The following AKR1C4 variants were observed in gnomAD, a reference collection of about 807,000 sequenced individuals.
The protein encoded by AKR1C4 is aldo-keto reductase family 1 member C4.
Under a neutral mutation model 41.0 loss-of-function variants are expected in AKR1C4, and 44 were observed. That is an observed-to-expected ratio of 1.07 (90% confidence interval 0.84 to 1.38). The LOEUF is 1.38. Among genes scored for constraint, AKR1C4 ranks in the 40% most tolerant of loss-of-function variants. The probability of loss-of-function intolerance (pLI) is 0.00; values close to 1 mark genes in which losing one functional copy is unlikely to be tolerated. For synonymous variants in AKR1C4, 165 were observed against 137.7 expected (o/e 1.20, Z -1.39); for missense variants, 438 against 387.9 (o/e 1.13, Z -1.09).
intron 1 of AKR1C4, among the ~76,000 whole-genome samples, chr10:5,199,612 G>A (rs1424863676): frequency 1.3e-5 from 2 of 152,122 alleles, no homozygotes; most frequent in Non-Finnish European, 2.9e-5. Context: ...GCACCAGTAC[G>A]CCAGCGGGCC....
chr10:5,204,514 ACTTCT>A (rs1832454261), intron 3 of AKR1C4, 21 bp downstream of exon 3: 1 of 1,516,188 alleles, frequency 6.6e-7, no homozygotes, highest in Non-Finnish European at 9.2e-7. Context: ...TGTGAGATCA[ACTTCT>A]CTTCTGTTCT....
rs781987913 is a variant in AKR1C4 at position 5,212,772 on chromosome 10, A to T, written c.680+47A>T. The T allele has an allele frequency of 5.3e-5, 84 of 1,583,390 alleles. 1 individual carries two copies. In the South Asian group the frequency reaches 8.0e-4, roughly 15 times the overall value. On this transcript the variant is annotated intron_variant, in intron 6 of 8. Transcript: ENST00000263126. ...TTACCTAAAATGCCATTTTGATGAA[A>T]AATTTTAGTTATAGCATACTCAGTC...
At chr10:5,197,406 AGTACTGCTGAG>A (rs1400059369) in intron 1 of AKR1C4, among the ~76,000 whole-genome samples, 1 of 152,206 alleles carries the variant, frequency 6.6e-6, no homozygotes, top group East Asian at 1.9e-4. Context: ...CTGTTGGGAG[AGTACTGCTGAG>A]CTGCCGCGTG....
intron 2 of AKR1C4, among the ~76,000 whole-genome samples, chr10:5,203,000 T>C (rs550758200): frequency 1.3e-5 from 2 of 150,836 alleles, no homozygotes; most frequent in East Asian, 2.0e-4. Context: ...TTTCCTGGTA[T>C]TGGTATTTGG....
At chr10:5,216,627 T>C in intron 7 of AKR1C4, 84 bp from the exon 8 acceptor site, 1 of 960,978 alleles carries the variant, frequency 1.0e-6, no homozygotes. Context: ...ATATTGCCTC[T>C]ACACCCTACT....
chr10:5,211,470 C>G (rs1832574632), intron 5 of AKR1C4, among the ~76,000 whole-genome samples: 1 of 149,130 alleles, frequency 6.7e-6, no homozygotes, highest in South Asian at 2.1e-4. Context: ...AGGGCAGGGA[C>G]AAAATGTCAA....
chr10:5,218,420 A>C (rs1832685395), intron 8 of AKR1C4, among the ~76,000 whole-genome samples: 1 of 152,206 alleles, frequency 6.6e-6, no homozygotes, highest in African/African-American at 2.4e-5. Flanking sequence ...GAAATAGAAA[A>C]TGTCAGAATA....
Position 5,205,796 on chromosome 10 carries a change from GT to G in AKR1C4, c.410del (p.Val137GlufsTer39). ...ACTACCAAAAGATGAAAATGGAAAAGTAATATTCGACACAGTGGATCTCTCT... is the reference window on the plus strand; with the variant it reads ...ACTACCAAAAGATGAAAATGGAAAAGAATATTCGACACAGTGGATCTCTCT... ...TPLPKDENGK[V>X]IFDTVDLSAT... On this transcript the variant is annotated frameshift_variant, in exon 4 of 9. Coordinates refer to ENST00000263126, the MANE Select transcript of AKR1C4 (RefSeq NM_001818.5). LOFTEE classifies it high-confidence loss of function. The G allele has an allele frequency of 1.2e-6, 2 of 1,613,606 alleles. No homozygotes were observed. The highest frequency in any genetic ancestry group is 1.7e-6 in the Non-Finnish European group (2 of 1,179,660).
chr10:5,204,661 A>G (rs782114308), intron 3 of AKR1C4, 168 bp downstream of exon 3: 4 of 757,994 alleles, frequency 5.3e-6, no homozygotes, highest in Non-Finnish European at 7.3e-6. Flanking sequence ...TCCTTCTGTA[A>G]CGTATGATGA....
intron 3 of AKR1C4, among the ~76,000 whole-genome samples, chr10:5,205,413 T>C (rs3750572): frequency 0.11 from 17,178 of 152,236 alleles, 1,187 homozygotes; most frequent in Admixed American, 0.17. Flanking sequence ...GGATCAAGAA[T>C]ACAATCCCTT....
chr10:5,215,043 AT>A (rs1564404952), intron 7 of AKR1C4, among the ~76,000 whole-genome samples: 1 of 152,180 alleles, frequency 6.6e-6, no homozygotes, highest in Non-Finnish European at 1.5e-5. Flanking sequence ...ATAAATTTGG[AT>A]TTCAGTATTT....
rs782304211 is a variant in AKR1C4, at chr10:5,205,850, A to G, written c.447+16A>G. On this transcript the variant is annotated intron_variant, in intron 4 of 8. Transcript: ENST00000263126. ...CACATGGGAGGTGAGTGCTTGGAGG[A>G]CAGAGTACAGAAAAGGAAGACAAGA... 6.2e-7 allele frequency: 1 copy of G among 1,607,238 alleles called. No individual in the cohort carries two copies. The highest frequency in any genetic ancestry group is 1.1e-5 in the South Asian group (1 of 90,416).
At chr10:5,207,668 G>A in intron 5 of AKR1C4, 1 of 987,298 alleles carries the variant, frequency 1.0e-6, no homozygotes, top group Non-Finnish European at 1.5e-6. Flanking sequence ...GCAATCATAG[G>A]ACATGAAATA....
chr10:5,202,881 A>AT (rs1398933429), intron 2 of AKR1C4, among the ~76,000 whole-genome samples: 1 of 146,180 alleles, frequency 6.8e-6, no homozygotes, highest in Non-Finnish European at 1.5e-5. Flanking sequence ...GTTAGCTAGT[A>AT]TTTTCTTGAG....
In AKR1C4 at chr10:5,199,671, A is replaced by C. The variant is rs79508402; in HGVS notation, c.85-510A>C. The stretch of plus-strand genomic sequence containing the variant: ...CGCTGAGTTTGGCTGGGGCAGTCAG[A>C]AGACAGTCCAGGCTGCTGAGCAGCC... On this transcript the variant is annotated intron_variant, in intron 1 of 8. Transcript: ENST00000263126. Among the ~76,000 whole-genome samples the C allele has an allele frequency of 1.7e-3, 260 of 152,206 alleles. 1 individual carries two copies. Among genetic ancestry groups the C allele is most frequent in the Non-Finnish European group, 3.1e-3 (208 of 67,984 alleles).
At chr10:5,208,314 A>G (rs182257185) in intron 5 of AKR1C4, among the ~76,000 whole-genome samples, 24 of 151,736 alleles carry the variant, frequency 1.6e-4, no homozygotes, top group African/African-American at 4.9e-4. Context: ...TGTATTTAAA[A>G]TTTATGTATT....
At position 5,200,315 on chromosome 10, in the gene AKR1C4, T is replaced by C. The variant is rs782697815; in HGVS notation, c.219T>C (p.Ser73=). ...TCCGAAGCAAGATTGCAGATGGCAG[T>C]GTGAAGAGAGAAGACATATTCTACA... The part of the protein sequence containing the change: ...LAIRSKIADG[S]VKREDIFYTS... Residue 73 remains serine (S), a synonymous_variant, in exon 2 of 9, where the codon AGT becomes AGC. Transcript: ENST00000263126. The C allele has an allele frequency of 5.6e-6, 9 of 1,614,024 alleles. No homozygotes were observed. The South Asian group carries it at 9.9e-5, about 18-fold the overall frequency.
chr10:5,213,832 C>CT (rs1288428264), intron 7 of AKR1C4, among the ~76,000 whole-genome samples: 1 of 152,096 alleles, frequency 6.6e-6, no homozygotes, highest in Non-Finnish European at 1.5e-5. Flanking sequence ...TCTGGATATT[C>CT]TTTAACAGCT....
In AKR1C4 at chr10:5,214,498, C is replaced by A. The variant is rs138116069; in HGVS notation, c.846+1339C>A. ...CTGAAATTGCTGTGAAACTGCAGAT[C>A]AATTTGGTGAGAACTGATTGAGACT... On this transcript the variant is annotated intron_variant, in intron 7 of 8. Coordinates refer to ENST00000263126, the MANE Select transcript of AKR1C4 (RefSeq NM_001818.5). 3.4e-4 allele frequency among the ~76,000 whole-genome samples: 52 copies of A among 152,230 alleles called. No homozygotes were observed. The East Asian group carries it at 0.01, about 29-fold the overall frequency.
Sources: gnomAD v4.1 joint callset for allele counts (sites outside exome capture counted in the v4.1 genomes callset) on GRCh38, gnomAD v4.1.1 for gene constraint, MANE v1.5 for transcripts, NCBI Gene and HGNC (gene_info 2026-07-23, HGNC 2026-07-21) for gene names.